The following GPC5 variants were observed in gnomAD, a reference collection of about 807,000 sequenced individuals.
GPC5 encodes the protein glypican-5.
In GPC5, 47 loss-of-function variants were observed where a neutral mutation model predicts 53.9. That is an observed-to-expected ratio of 0.87 (90% CI 0.69 to 1.11). The LOEUF is 1.11. Among genes scored for constraint, GPC5 ranks in the 50% most tolerant of loss-of-function variants. The pLI is 0.00. For missense variants in GPC5, 748 were observed against 713.1 expected (o/e 1.05, Z -0.56); for synonymous variants, 286 against 263.3 (o/e 1.09, Z -0.84).
chr13:92,470,983 C>T (rs997399768), intron 7 of GPC5, among the ~76,000 whole-genome samples: 52 of 152,188 alleles, frequency 3.4e-4, no homozygotes, highest in Non-Finnish European at 2.1e-4. Flanking sequence ...AGGCCTCTTT[C>T]TCGAGTTTGT....
At chr13:91,570,659 C>G (rs1470555671) in intron 2 of GPC5, among the ~76,000 whole-genome samples, 2 of 152,080 alleles carry the variant, frequency 1.3e-5, no homozygotes, top group African/African-American at 2.4e-5. Flanking sequence ...AATGTTAGAG[C>G]TTGAATTTGA....
At chr13:91,795,480 C>T (rs2038032320) in intron 5 of GPC5, among the ~76,000 whole-genome samples, 1 of 152,160 alleles carries the variant, frequency 6.6e-6, no homozygotes, top group East Asian at 1.9e-4. Context: ...CTTGGCATAT[C>T]TATTTTAGCC....
At chr13:92,304,712 A>T (rs2043099674) in intron 7 of GPC5, among the ~76,000 whole-genome samples, 1 of 152,240 alleles carries the variant, frequency 6.6e-6, no homozygotes, top group South Asian at 2.1e-4. Context: ...TTTCAAGCTC[A>T]TTAACAATAT....
intron 7 of GPC5, among the ~76,000 whole-genome samples, chr13:92,691,708 C>A (rs1161521284): frequency 2.0e-5 from 3 of 151,574 alleles, no homozygotes; most frequent in Non-Finnish European, 4.4e-5. Context: ...TGACATAATT[C>A]TCCACTTATT....
At chr13:92,747,139 G>A (rs762719760) in intron 7 of GPC5, among the ~76,000 whole-genome samples, 1 of 152,112 alleles carries the variant, frequency 6.6e-6, no homozygotes, top group African/African-American at 2.4e-5. Flanking sequence ...ATTATGTGGT[G>A]CATGACCATA....
intron 7 of GPC5, among the ~76,000 whole-genome samples, chr13:92,339,574 C>T (rs1024216757): frequency 1.3e-5 from 2 of 152,056 alleles, no homozygotes; most frequent in East Asian, 3.8e-4. Flanking sequence ...ACCCAATTAG[C>T]TAGCAGTGTC....
chr13:91,922,308 TA>T (rs1047512861), intron 6 of GPC5, among the ~76,000 whole-genome samples: 6 of 151,924 alleles, frequency 3.9e-5, no homozygotes, highest in Admixed American at 1.3e-4. Context: ...AAACTTTTTT[TA>T]AAAAAAACTA....
intron 7 of GPC5, among the ~76,000 whole-genome samples, chr13:92,224,542 A>G (rs940948157): frequency 6.6e-6 from 1 of 152,188 alleles, no homozygotes; most frequent in Non-Finnish European, 1.5e-5. Context: ...AGGGTCCACC[A>G]TTCCCAAAGC....
chr13:91,807,306 A>G (rs2038237705), intron 5 of GPC5, among the ~76,000 whole-genome samples: 1 of 152,162 alleles, frequency 6.6e-6, no homozygotes, highest in Non-Finnish European at 1.5e-5. Context: ...ATCATAAATT[A>G]CCACAAAAAT....
chr13:92,420,404 A>G (rs982955470), intron 7 of GPC5, among the ~76,000 whole-genome samples: 3 of 152,096 alleles, frequency 2.0e-5, no homozygotes, highest in Non-Finnish European at 4.4e-5. Context: ...TACATGGTAC[A>G]TGCTTTGTAC....
At chr13:92,180,169 C>T (rs1436493033) in intron 7 of GPC5, among the ~76,000 whole-genome samples, 1 of 152,158 alleles carries the variant, frequency 6.6e-6, no homozygotes, top group African/African-American at 2.4e-5. Context: ...ATGAAAACTG[C>T]AGGTTTGGTT....
chr13:92,511,770 T>C (rs1324158827), intron 7 of GPC5, among the ~76,000 whole-genome samples: 23 of 152,206 alleles, frequency 1.5e-4, no homozygotes, highest in Admixed American at 1.4e-3. Context: ...ACATTTTCCA[T>C]TGAGCAAGGG....
At chr13:91,464,928 G>A (rs932697867) in intron 2 of GPC5, among the ~76,000 whole-genome samples, 9 of 152,080 alleles carry the variant, frequency 5.9e-5, no homozygotes, top group African/African-American at 2.2e-4. Context: ...CTTCCCCTGG[G>A]GGAGGCTGAG....
chr13:91,976,531 C>T (rs74715585), intron 6 of GPC5, among the ~76,000 whole-genome samples: 3,588 of 152,142 alleles, frequency 0.024, 142 homozygotes, highest in African/African-American at 0.082. Context: ...TGTAACTAAG[C>T]TGTGGGAAAA....
chr13:92,625,850 G>A (rs527650420), intron 7 of GPC5, among the ~76,000 whole-genome samples: 1 of 152,152 alleles, frequency 6.6e-6, no homozygotes, highest in Admixed American at 6.5e-5. Context: ...GAGACTCAAA[G>A]GTGATGTCAC....
At chr13:91,469,503 G>A (rs1882473464) in intron 2 of GPC5, among the ~76,000 whole-genome samples, 2 of 151,918 alleles carry the variant, frequency 1.3e-5, no homozygotes, top group Non-Finnish European at 2.9e-5. Context: ...TTGAGCACCA[G>A]GGATTCTCCC....
At chr13:92,454,066 G>A (rs1247140856) in intron 7 of GPC5, among the ~76,000 whole-genome samples, 3 of 152,098 alleles carry the variant, frequency 2.0e-5, no homozygotes, top group African/African-American at 4.8e-5. Context: ...AAACCTAAGT[G>A]TTAAACATAT....
intron 7 of GPC5, among the ~76,000 whole-genome samples, chr13:92,685,563 T>TTTTTTTTTTAA (rs1269692041): frequency 4.3e-5 from 6 of 138,634 alleles, no homozygotes; most frequent in Non-Finnish European, 6.2e-5. Context: ...TTTTTTAATT[T>TTTTTTTTTTAA]TTTTTTTTTT....
At chr13:91,559,787 T>C (rs2210871) in intron 2 of GPC5, among the ~76,000 whole-genome samples, 150,288 of 152,152 alleles carry the variant, frequency 0.99, 74,253 homozygotes, top group East Asian at 1. Flanking sequence ...ATTCTTCTCA[T>C]GAGTTAAGAC....
Sources: allele counts gnomAD v4.1 joint callset (sites outside exome capture counted in the v4.1 genomes callset), GRCh38; gene constraint gnomAD v4.1.1; transcripts MANE v1.5; gene names NCBI Gene and HGNC (gene_info 2026-07-23, HGNC 2026-07-21).